The following GLUD1 variants were observed in gnomAD, a reference collection of about 807,000 sequenced individuals.
GLUD1 encodes glutamate dehydrogenase 1, mitochondrial.
In GLUD1, 22 loss-of-function variants were observed where a neutral mutation model predicts 56.0. That is an observed-to-expected ratio of 0.39 (90% CI 0.28 to 0.56). The LOEUF (loss-of-function observed/expected upper bound fraction) is 0.56. Ranked by LOEUF, GLUD1 falls within the 20% of genes least tolerant of loss-of-function variation. GLUD1 has a pLI of 0.58. For synonymous variants in GLUD1, 223 were observed against 269.9 expected, an observed-to-expected ratio of 0.83 and a Z score of 1.70; for missense variants, 451 against 732.0, an observed-to-expected ratio of 0.62 and a Z score of 4.43.
chr10:87,070,606 A>G (rs12266578), intron 4 of GLUD1, among the ~76,000 whole-genome samples: 4,959 of 152,192 alleles, frequency 0.033, 279 homozygotes, highest in African/African-American at 0.11. Context: ...TCAAAATCAA[A>G]AAAACAAAAA....
At position 87,076,497 on chromosome 10, in the gene GLUD1, AC is replaced by A. The variant is rs1846399548; in HGVS notation, c.526+78del. 3.4e-6 allele frequency: 3 copies of A among 888,582 alleles called. No homozygotes were observed. The Admixed American group carries it at 5.1e-5, about 15-fold the overall frequency. 55.0% of individuals were successfully genotyped at this position (888,582 alleles called of 1,614,324 possible). A position where few individuals can be genotyped will look rare whatever the true frequency, so the allele number is the denominator to read the frequency against. On this transcript the variant is annotated intron_variant, in intron 2 of 12. Transcript: ENST00000277865. ...ATCAGTTCTGATAAGGTATATTTCT[AC>A]AGCATCTTAACAGTAACATGTGTGT...
Position 87,094,272 on chromosome 10 carries a change from G to A in GLUD1, c.445+53C>T. 1 of 1,546,782 alleles carries A rather than the reference G, an allele frequency of 6.5e-7. No homozygotes were observed. Among genetic ancestry groups the A allele is most frequent in the Admixed American group, 1.9e-5 (1 of 51,334 alleles). Reference sequence around the variant, plus strand: ...CCCCGCACCGGCAGGAGGCCGGAGGGGAGGGCCGCAGGGGAGGCAGGGAGG... The same window carrying A: ...CCCCGCACCGGCAGGAGGCCGGAGGAGAGGGCCGCAGGGGAGGCAGGGAGG... On this transcript the variant is annotated intron_variant, in intron 1 of 12. Coordinates refer to ENST00000277865, the MANE Select transcript of GLUD1 (RefSeq NM_005271.5). The surrounding 1 kb of genome is among the most constrained non-coding windows in gnomAD (Gnocchi z 6.6).
intron 12 of GLUD1, 66 bp downstream of exon 12, chr10:87,053,276 G>A (rs1342067473): frequency 2.0e-6 from 2 of 1,017,714 alleles, no homozygotes; most frequent in African/African-American, 3.1e-5. Flanking sequence ...TCTGGCGGCT[G>A]AGATAGCATG....
chr10:87,078,120 GCTGAACATACT>G (rs1564558449), intron 1 of GLUD1, among the ~76,000 whole-genome samples: 15 of 152,086 alleles, frequency 9.9e-5, no homozygotes, highest in Non-Finnish European at 2.1e-4. Context: ...CATATTCTAA[GCTGAACATACT>G]TATTTGGTCT....
intron 11 of GLUD1, 85 bp downstream of exon 11, chr10:87,057,606 C>G: frequency 2.5e-6 from 2 of 801,308 alleles, no homozygotes; most frequent in South Asian, 2.7e-5. Flanking sequence ...GACTATGCCG[C>G]AGATGAAATC....
intron 1 of GLUD1, among the ~76,000 whole-genome samples, chr10:87,081,850 C>T (rs1447814056): frequency 2.0e-5 from 3 of 148,272 alleles, no homozygotes; most frequent in African/African-American, 7.5e-5. Flanking sequence ...AACCAGAGAC[C>T]TTTGTTCACT....
rs1845890963 is a variant in GLUD1, at chr10:87,060,147, T to C, written c.1278+14A>G. 1 of 1,504,338 alleles carries C rather than the reference T, an allele frequency of 6.6e-7. No homozygotes were observed. Among genetic ancestry groups the C allele is most frequent in the Middle Eastern group, 1.7e-4 (1 of 5,872 alleles). The allele number at this position is 1,504,338 out of a possible 1,614,324, so 93.2% of individuals were successfully genotyped here. Reference sequence around the variant, plus strand: ...CTAAGTACATATAAAGCCTAATAAATATAGATGACTTACTGGAATAACCAT... The same window carrying C: ...CTAAGTACATATAAAGCCTAATAAACATAGATGACTTACTGGAATAACCAT... On this transcript the variant is annotated intron_variant, in intron 9 of 12. Transcript: ENST00000277865.
chr10:87,094,828 C>T lies in GLUD1; in HGVS notation c.-59G>A. 1 of 1,330,444 alleles carries T rather than the reference C, an allele frequency of 7.5e-7. No individual in the cohort carries two copies. Among genetic ancestry groups the T allele is most frequent in the Non-Finnish European group, 1.0e-6 (1 of 971,618 alleles). 82.4% of individuals were successfully genotyped at this position (1,330,444 alleles called of 1,614,324 possible). ...CGAAACAGGCGCGCTTTCTCAGACT[C>T]CCCGCGACTAGGGAGGAAGGGTCCC... is the stretch of plus-strand genomic sequence containing the variant. On this transcript the variant is annotated 5_prime_UTR_variant, in exon 1 of 13. Coordinates refer to ENST00000277865, the MANE Select transcript of GLUD1 (RefSeq NM_005271.5). This position sits in a 1 kb window ranked among gnomAD's most constrained non-coding sequence, Gnocchi z 6.6.
In GLUD1 at chr10:87,094,219, A is replaced by AGCTGG. The variant is rs1212125497; in HGVS notation, c.445+101_445+105dup. 3.2e-4 allele frequency: 455 copies of AGCTGG among 1,438,048 alleles called. No homozygotes were observed. The highest frequency in any genetic ancestry group is 5.1e-4 in the Admixed American group (21 of 41,550). 89.1% of individuals were successfully genotyped at this position (1,438,048 alleles called of 1,614,324 possible). ...CCCGGGCGGGGACCCGGCCCGCTCC[A>AGCTGG]GCTGGGCTGGGCTGGGCTGAGCAGC... On this transcript the variant is annotated intron_variant, in intron 1 of 12. Coordinates refer to ENST00000277865, the MANE Select transcript of GLUD1 (RefSeq NM_005271.5). This position sits in a 1 kb window ranked among gnomAD's most constrained non-coding sequence, Gnocchi z 6.6.
At position 87,051,269 on chromosome 10, in the gene GLUD1, G is replaced by C. The variant is rs1387893093; in HGVS notation, c.*482C>G. On this transcript the variant is annotated 3_prime_UTR_variant, in exon 13 of 13. Transcript: ENST00000277865. ...ATATTTGTTTGCAACCTGCAAAATT[G>C]AATTATTTTGCTGATATAAAATACT... is the stretch of plus-strand genomic sequence containing the variant. 5.2e-6 allele frequency: 1 copy of C among 190,858 alleles called. No homozygotes were observed. Among genetic ancestry groups the C allele is most frequent in the Admixed American group, 5.4e-5 (1 of 18,468 alleles). 11.8% of individuals were successfully genotyped at this position (190,858 alleles called of 1,614,324 possible). A position where few individuals can be genotyped will look rare whatever the true frequency, so the allele number is the denominator to read the frequency against.
At chr10:87,062,187 G>A (rs112089386) in intron 6 of GLUD1, among the ~76,000 whole-genome samples, 12 of 152,290 alleles carry the variant, frequency 7.9e-5, no homozygotes, top group Middle Eastern at 3.4e-3. Flanking sequence ...CAAAGTGCTG[G>A]GAATACAGGC....
intron 1 of GLUD1, among the ~76,000 whole-genome samples, chr10:87,085,348 C>CAAA (rs10655872): frequency 0.01 from 1,141 of 112,442 alleles, 15 homozygotes; most frequent in South Asian, 0.027. Context: ...ACTCCGTCTC[C>CAAA]AAAAAAAAAA....
At chr10:87,058,372 C>CCCACT (rs1479930063) in intron 10 of GLUD1, among the ~76,000 whole-genome samples, 2 of 152,090 alleles carry the variant, frequency 1.3e-5, no homozygotes, top group African/African-American at 4.8e-5. Flanking sequence ...AACACTTCAC[C>CCCACT]CAGATTCTCA....
At chr10:87,071,065 C>A (rs1004121484) in intron 4 of GLUD1, among the ~76,000 whole-genome samples, 1 of 150,812 alleles carries the variant, frequency 6.6e-6, no homozygotes, top group Non-Finnish European at 1.5e-5. Context: ...GGAGGCGGAG[C>A]TTGCAGTGAG....
At position 87,051,708 on chromosome 10, in the gene GLUD1, G is replaced by A. The variant is rs1845635910; in HGVS notation, c.*43C>T. ...GTAAACTTGTGATAGGTCTGCAGAA[G>A]TTACATGTGAAGAGGATAGTGAGGA... On this transcript the variant is annotated 3_prime_UTR_variant, in exon 13 of 13. Coordinates refer to ENST00000277865, the MANE Select transcript of GLUD1 (RefSeq NM_005271.5). 6.2e-7 allele frequency: 1 copy of A among 1,605,210 alleles called. No individual in the cohort carries two copies.
rs1845907613 is a variant in GLUD1, at chr10:87,060,695, T to C, written c.1190A>G (p.Lys397Arg). Reference sequence around the variant, plus strand: ...TTTCTATAATGTTGTCACCTTGGCTTTGACTCTGGGTGCGTTGGATTTGGT... The same window carrying C: ...TTTCTATAATGTTGTCACCTTGGCTCTGACTCTGGGTGCGTTGGATTTGGT... ...QLTKSNAPRV[K>R]AKIIAEGANG... is the part of the protein sequence containing the mutation. The change falls in exon 8 of 13, where the codon AAA (lysine) becomes AGA (arginine). Residue 397 changes from lysine (K) to arginine (R), a missense_variant. Coordinates refer to ENST00000277865, the MANE Select transcript of GLUD1 (RefSeq NM_005271.5). 1 of 1,614,078 alleles carries C rather than the reference T, an allele frequency of 6.2e-7. No homozygotes were observed. Among genetic ancestry groups the C allele is most frequent in the Admixed American group, 1.7e-5 (1 of 59,996 alleles).
chr10:87,059,009 A>C, intron 10 of GLUD1, 141 bp downstream of exon 10: 1 of 986,060 alleles, frequency 1.0e-6, no homozygotes, highest in South Asian at 1.3e-5. Flanking sequence ...TTTTGGTCTA[A>C]GTTTCATGAG....
chr10:87,062,888 G>C (rs1188736736), intron 5 of GLUD1, 53 bp from the exon 6 acceptor site: 1 of 1,509,266 alleles, frequency 6.6e-7, no homozygotes, highest in East Asian at 2.3e-5. Context: ...TTTCTCTGTT[G>C]AAGGAACATA....
chr10:87,072,319 AT>A (rs746819630), intron 4 of GLUD1, among the ~76,000 whole-genome samples: 2 of 152,182 alleles, frequency 1.3e-5, no homozygotes, highest in Non-Finnish European at 2.9e-5. Flanking sequence ...ATTCAATGAA[AT>A]TCCTATAAAA....
Sources: gnomAD v4.1 joint callset for allele counts (sites outside exome capture counted in the v4.1 genomes callset) on GRCh38, gnomAD v4.1.1 for gene constraint, Gnocchi (gnomAD v3.1) non-coding constraint, MANE v1.5 for transcripts, NCBI Gene and HGNC (gene_info 2026-07-23, HGNC 2026-07-21) for gene names.